FSTL4: variants seen among roughly 807,000 people sequenced by gnomAD.
The protein encoded by FSTL4 is follistatin like 4.
A neutral mutation model predicts 78.2 loss-of-function variants in FSTL4; 28 were observed. That is an observed-to-expected ratio of 0.36 (90% CI 0.27 to 0.49). The LOEUF is 0.49. Among genes scored for constraint, FSTL4 ranks in the 20% least tolerant of loss-of-function variants. FSTL4 has a pLI of 0.98. For missense variants in FSTL4, 922 were observed against 1,084.9 expected (o/e 0.85, Z 2.11); for synonymous variants, 422 against 440.5 (o/e 0.96, Z 0.53).
chr5:133,470,723 G>T (rs919166493), intron 3 of FSTL4, among the ~76,000 whole-genome samples: 1 of 144,268 alleles, frequency 6.9e-6, no homozygotes, highest in Non-Finnish European at 1.5e-5. Context: ...CCAGCCTGGG[G>T]AACAAGAGTG....
Position 133,283,924 on chromosome 5 carries a change from C to A in FSTL4, c.727+28730G>T, listed in dbSNP as rs145904402. Among the ~76,000 whole-genome samples, 98 of 152,186 alleles carry A rather than the reference C, an allele frequency of 6.4e-4. 1 individual carries two copies. The East Asian group carries it at 0.011, about 17-fold the overall frequency. ...GCAAGCATGTCTTAATATGGCAGAG[C>A]AGGAGAGAAAGAGCAAAGGCGGAAG... On this transcript the variant is annotated intron_variant, in intron 6 of 15. Transcript: ENST00000265342.
At chr5:133,718,704 GA>G in the FSTL4 span, among the ~76,000 whole-genome samples, 2 of 152,264 alleles carry the variant, frequency 1.3e-5, no homozygotes, top group South Asian at 4.1e-4. Flanking sequence ...ACCACATTTT[GA>G]TTTTACAGAT....
the FSTL4 span, among the ~76,000 whole-genome samples, chr5:133,786,653 G>A: frequency 6.6e-6 from 1 of 152,310 alleles, no homozygotes; most frequent in South Asian, 2.1e-4. Context: ...CCCAAGACAG[G>A]CCAGCCTTGA....
At chr5:133,268,373 A>G (rs1232991744) in intron 6 of FSTL4, among the ~76,000 whole-genome samples, 2 of 152,202 alleles carry the variant, frequency 1.3e-5, no homozygotes, top group East Asian at 1.9e-4. Flanking sequence ...CCAGGGCTCC[A>G]ATTCCTCCCT....
At chr5:133,691,194 T>C in the FSTL4 span, among the ~76,000 whole-genome samples, 2 of 152,248 alleles carry the variant, frequency 1.3e-5, no homozygotes, top group African/African-American at 2.4e-5. Context: ...ATGCAGTACT[T>C]TTCTATAAAA....
chr5:133,726,952 A>G, the FSTL4 span, among the ~76,000 whole-genome samples: 1 of 152,140 alleles, frequency 6.6e-6, no homozygotes, highest in Non-Finnish European at 1.5e-5. Flanking sequence ...CTCCTATGTT[A>G]ATGTTTGAAT....
At chr5:133,814,071 C>T in the FSTL4 span, among the ~76,000 whole-genome samples, 6 of 152,236 alleles carry the variant, frequency 3.9e-5, no homozygotes. Context: ...CAGGGACTGT[C>T]ACCAACAAGG....
the FSTL4 span, among the ~76,000 whole-genome samples, chr5:133,791,409 C>G: frequency 6.6e-6 from 1 of 152,196 alleles, no homozygotes; most frequent in East Asian, 1.9e-4. Context: ...TGTTTATTGT[C>G]TGCTTCCCCT....
chr5:133,409,824 T>C (rs377717040), intron 3 of FSTL4, among the ~76,000 whole-genome samples: 23 of 151,962 alleles, frequency 1.5e-4, no homozygotes, highest in African/African-American at 5.5e-4. Flanking sequence ...ACAGATTGAG[T>C]GGAAAGAGTG....
the FSTL4 span, among the ~76,000 whole-genome samples, chr5:133,751,990 C>A: frequency 6.6e-6 from 1 of 152,190 alleles, no homozygotes; most frequent in South Asian, 2.1e-4. Flanking sequence ...CTAATGGAAG[C>A]TGGATGGCAA....
intron 3 of FSTL4, among the ~76,000 whole-genome samples, chr5:133,402,353 G>A (rs573759163): frequency 1.2e-4 from 18 of 152,192 alleles, no homozygotes; most frequent in Non-Finnish European, 2.4e-4. Context: ...TGGGAGTCTG[G>A]AAATGAGATA....
chr5:133,386,969 G>A (rs1755714225), intron 4 of FSTL4, among the ~76,000 whole-genome samples: 1 of 152,186 alleles, frequency 6.6e-6, no homozygotes, highest in Admixed American at 6.5e-5. Context: ...TTTGATGTCT[G>A]CGGTAACTCT....
the FSTL4 span, among the ~76,000 whole-genome samples, chr5:133,746,597 A>G: frequency 6.6e-6 from 1 of 152,328 alleles, no homozygotes; most frequent in Admixed American, 6.5e-5. Flanking sequence ...TTTCTGGCTC[A>G]GAAAGCCAGA....
At chr5:133,269,017 T>C (rs570824160) in intron 6 of FSTL4, among the ~76,000 whole-genome samples, 1 of 151,854 alleles carries the variant, frequency 6.6e-6, no homozygotes, top group Admixed American at 6.5e-5. Context: ...CCATCTCTAC[T>C]AAAAATACAA....
At chr5:133,212,764 G>T (rs940002602) in intron 13 of FSTL4, among the ~76,000 whole-genome samples, 4 of 151,902 alleles carry the variant, frequency 2.6e-5, no homozygotes, top group African/African-American at 4.8e-5. Context: ...ACATATTCAA[G>T]AAATACACAT....
chr5:133,770,726 A>T, the FSTL4 span, among the ~76,000 whole-genome samples: 1 of 151,960 alleles, frequency 6.6e-6, no homozygotes, highest in Non-Finnish European at 1.5e-5. Flanking sequence ...GTTTAATTAC[A>T]TCTTCTTTAT....
chr5:133,309,033 A>G (rs1482359469), intron 6 of FSTL4, among the ~76,000 whole-genome samples: 3 of 152,242 alleles, frequency 2.0e-5, no homozygotes, highest in Non-Finnish European at 4.4e-5. Flanking sequence ...TTGTTTTAGC[A>G]ACGTGTTTTC....
intron 3 of FSTL4, among the ~76,000 whole-genome samples, chr5:133,414,445 G>C (rs574533930): frequency 6.6e-6 from 1 of 152,198 alleles, no homozygotes; most frequent in East Asian, 1.9e-4. Flanking sequence ...AAGGACCCTG[G>C]GATTTGTCCT....
At chr5:133,521,897 G>C (rs182421551) in intron 3 of FSTL4, among the ~76,000 whole-genome samples, 1 of 152,294 alleles carries the variant, frequency 6.6e-6, no homozygotes, top group East Asian at 1.9e-4. Flanking sequence ...CCTGCCTCCA[G>C]GTAGATGGAT....
Sources: gnomAD v4.1 joint callset for allele counts (sites outside exome capture counted in the v4.1 genomes callset) on GRCh38, gnomAD v4.1.1 for gene constraint, MANE v1.5 for transcripts, NCBI Gene and HGNC (gene_info 2026-07-23, HGNC 2026-07-21) for gene names.